Variants in HEPH observed in about 807,000 individuals in gnomAD.
The protein encoded by HEPH is hephaestin.
A neutral mutation model predicts 80.8 loss-of-function variants in HEPH; 69 were observed. That is an observed-to-expected ratio of 0.85 (90% CI 0.70 to 1.04). HEPH has a LOEUF of 1.04. Among genes scored for constraint, HEPH ranks in the 50% least tolerant of loss-of-function variants. The pLI is 0.00. For missense variants in HEPH, 1,115 were observed against 891.3 expected, an observed-to-expected ratio of 1.25 and a Z score of -3.20; for synonymous variants, 431 against 322.8, an observed-to-expected ratio of 1.34 and a Z score of -3.60.
chrX:66,256,358 C>A, intron 17 of HEPH, 28 bp downstream of exon 17: 2 of 1,046,697 alleles, frequency 1.9e-6, no homozygotes, highest in South Asian at 2.0e-5. Context: ...TACTCTTGTT[C>A]CAAAGCAGTC....
chrX:66,207,739 A>C (rs757818503), intron 14 of HEPH, among the ~76,000 whole-genome samples: 132 of 111,815 alleles, frequency 1.2e-3, no homozygotes, highest in African/African-American at 4.2e-3. Flanking sequence ...GAAGGGACCC[A>C]CTGACTCCTA....
At position 66,208,204 on chromosome X, in the gene HEPH, G is replaced by T. The variant is rs1371261792; in HGVS notation, c.2521G>T (p.Val841Leu). The change falls in exon 15 of 21, where the codon GTG (valine) becomes TTG (leucine). Residue 841 changes from valine (V) to leucine (L), a missense_variant. This residue lies in a region of HEPH where 716 missense variants were observed against 523.5 expected (regional missense o/e 1.37). Transcript: ENST00000343002. ...CCCCTACTCTGTGCATGCTCATGGA[G>T]TGCTAGAATCTACTACTGTCTGGCC... ...SRPYSVHAHG[V>L]LESTTVWPLA... 3.3e-6 allele frequency: 4 copies of T among 1,207,320 alleles called. No individual in the cohort carries two copies. Among genetic ancestry groups the T allele is most frequent in the Admixed American group, 4.4e-5 (2 of 45,619 alleles).
chrX:66,208,303 T>G, intron 15 of HEPH, 57 bp downstream of exon 15: 8 of 1,085,008 alleles, frequency 7.4e-6, no homozygotes, highest in Non-Finnish European at 1.0e-5. Context: ...TGCTTCAGGC[T>G]TCTGGATTTT....
Position 66,266,809 on chromosome X carries a change from ATTTC to A in HEPH, c.*145_*148del, listed in dbSNP as rs1456592159. ...AAGGAGCAATCAAGCTTATCTGGAT[ATTTC>A]TTTCTTTATTTATTTTACATGGAAA... On this transcript the variant is annotated 3_prime_UTR_variant, in exon 21 of 21. Transcript: ENST00000343002. The A allele has an allele frequency of 6.9e-6, 3 of 434,514 alleles. No homozygotes were observed. Among genetic ancestry groups the A allele is most frequent in the East Asian group, 3.8e-5 (1 of 26,557 alleles). The allele number at this position is 434,514 out of a possible 1,213,427, so 35.8% of individuals were successfully genotyped here. A position where few individuals can be genotyped will look rare whatever the true frequency, so the allele number is the denominator to read the frequency against.
In HEPH at chrX:66,197,770, A is replaced by T. The variant is rs1306580349; in HGVS notation, c.1589A>T (p.Gln530Leu). Reference sequence around the variant, plus strand: ...CCCCCTCATGCCGGTCCCACTGCTCAGGATCCTGCTTGTCTCACTTGGATG... The same window carrying T: ...CCCCCTCATGCCGGTCCCACTGCTCTGGATCCTGCTTGTCTCACTTGGATG... ...TVPPHAGPTA[Q>L]DPACLTWMYF... Residue 530 changes from glutamine to leucine, a missense_variant, in exon 10 of 21, where the codon CAG becomes CTG. By Grantham distance (113) the Gln-to-Leu change is moderately radical. Transcript: ENST00000343002. 6.6e-6 allele frequency: 8 copies of T among 1,211,701 alleles called. No individual in the cohort carries two copies. The highest frequency in any genetic ancestry group is 7.8e-6 in the Non-Finnish European group (7 of 895,308).
chrX:66,190,525 G>A (rs2147704179), intron 6 of HEPH, among the ~76,000 whole-genome samples: 1 of 111,795 alleles, frequency 8.9e-6, no homozygotes, highest in East Asian at 2.8e-4. Flanking sequence ...GGTTTGAATG[G>A]TAGTCTTAAG....
At chrX:66,245,375 G>T (rs182845082) in intron 15 of HEPH, among the ~76,000 whole-genome samples, 1,181 of 111,472 alleles carry the variant, frequency 0.011, 12 homozygotes, top group Non-Finnish European at 0.015. Context: ...GATCAAAAGA[G>T]AAAAAGAAGG....
chrX:66,235,126 C>CT (rs757117928), intron 15 of HEPH, among the ~76,000 whole-genome samples: 2 of 111,403 alleles, frequency 1.8e-5, no homozygotes, highest in Admixed American at 1.9e-4. Context: ...GTTTGCAAAA[C>CT]TTTTTTCAAT....
intron 1 of HEPH, among the ~76,000 whole-genome samples, chrX:66,168,105 G>A (rs1281072958): frequency 8.9e-6 from 1 of 111,984 alleles, no homozygotes; most frequent in Non-Finnish European, 1.9e-5. Context: ...AGATGGAAAG[G>A]TAACAATAAT....
chrX:66,221,330 G>A (rs764980929), intron 15 of HEPH, among the ~76,000 whole-genome samples: 28 of 112,189 alleles, frequency 2.5e-4, no homozygotes, highest in Non-Finnish European at 4.3e-4. Flanking sequence ...GCAAGGTGGC[G>A]GGATTTAGGG....
intron 15 of HEPH, among the ~76,000 whole-genome samples, chrX:66,214,435 C>T (rs1375277001): frequency 9.0e-6 from 1 of 111,521 alleles, no homozygotes; most frequent in African/African-American, 3.3e-5. Flanking sequence ...GATATCTTTT[C>T]CCGATTTGTC....
intron 15 of HEPH, among the ~76,000 whole-genome samples, chrX:66,229,371 T>C (rs929531916): frequency 1.8e-5 from 2 of 111,917 alleles, no homozygotes; most frequent in Non-Finnish European, 3.8e-5. Context: ...AAATATCGTA[T>C]ATTCTCACTC....
chrX:66,197,692 A>G lies in HEPH; in HGVS notation c.1511A>G (p.Tyr504Cys), dbSNP rs1156572771. Residue 504 changes from tyrosine to cysteine, a missense_variant, in exon 10 of 21, where the codon TAC becomes TGC. By Grantham distance (194) the Tyr-to-Cys change is radical (BLOSUM62 -2). Around this residue, in one of 3 missense-constraint regions of HEPH, gnomAD observed 716 missense variants for 523.5 expected, o/e 1.37. Transcript: ENST00000343002. ...EGTVYNDGSSYPGLVAKPFEK... is the reference protein window; with the variant it reads ...EGTVYNDGSSCPGLVAKPFEK... ...CATATTTTCACTACAGGCTCATCTT[A>G]CCCTGGCTTGGTTGCCAAGCCCTTT... The G allele has an allele frequency of 1.7e-6, 2 of 1,208,829 alleles. No individual in the cohort carries two copies. Among genetic ancestry groups the G allele is most frequent in the Admixed American group, 4.3e-5 (2 of 46,014 alleles).
chrX:66,170,174 T>C, intron 1 of HEPH: 1 of 124,437 alleles, frequency 8.0e-6, no homozygotes, highest in Non-Finnish European at 1.7e-5. Context: ...AGTGTTCCCC[T>C]TTTGCCTATG....
At position 66,200,718 on chromosome X, in the gene HEPH, C is replaced by A; in HGVS notation, c.2043C>A (p.Thr681=). 2 of 1,211,043 alleles carry A rather than the reference C, an allele frequency of 1.7e-6. No individual in the cohort carries two copies. The highest frequency in any genetic ancestry group is 2.2e-6 in the Non-Finnish European group (2 of 895,258). The change falls in exon 12 of 21, where the codon ACC becomes ACA. Residue 681 remains threonine, a synonymous_variant. Coordinates refer to ENST00000343002, the MANE Select transcript of HEPH (RefSeq NM_001367233.3). ...GTGCAGCTATGCTCTTTCCTCATAC[C>A]TTTGTCATGGCCATCATGCAGCCTG... ...RKGAAMLFPH[T]FVMAIMQPDN...
chrX:66,229,255 G>A (rs1024208831), intron 15 of HEPH, among the ~76,000 whole-genome samples: 5 of 112,140 alleles, frequency 4.5e-5, no homozygotes, highest in African/African-American at 1.3e-4. Flanking sequence ...TATGTGCCAT[G>A]GAATACTACT....
At chrX:66,211,008 A>G (rs761103116) in intron 15 of HEPH, among the ~76,000 whole-genome samples, 9 of 111,586 alleles carry the variant, frequency 8.1e-5, no homozygotes, top group South Asian at 3.8e-4. Context: ...CGGATAGAAG[A>G]TTATCATCAG....
chrX:66,162,784 C>A (rs749798132), upstream of HEPH: 175 of 1,152,205 alleles, frequency 1.5e-4, 1 homozygote, highest in Non-Finnish European at 2.9e-5. Context: ...TCCCTGGACC[C>A]TGCTCCAGAC....
chrX:66,169,523 T>C (rs1226561073), intron 1 of HEPH, among the ~76,000 whole-genome samples: 1 of 111,951 alleles, frequency 8.9e-6, no homozygotes, highest in Non-Finnish European at 1.9e-5. Flanking sequence ...GTTAGAATCT[T>C]GGGTCTGATT....
Sources: gnomAD v4.1 joint callset for allele counts (sites outside exome capture counted in the v4.1 genomes callset) on GRCh38, gnomAD v4.1.1 for gene constraint, gnomAD v4.1.1 regional missense constraint, MANE v1.5 for transcripts, NCBI Gene and HGNC (gene_info 2026-07-23, HGNC 2026-07-21) for gene names.